The following MYO3B variants were observed in gnomAD, a reference collection of about 807,000 sequenced individuals.
MYO3B encodes the protein myosin-IIIb.
MYO3B carries 156 observed loss-of-function variants against 174.6 expected under a neutral mutation model. The observed-to-expected ratio is 0.89, with a 90% confidence interval of 0.78 to 1.02. The LOEUF is 1.02. Ranked by LOEUF, MYO3B falls within the 50% of genes least tolerant of loss-of-function variation. The pLI, the probability that MYO3B is intolerant of heterozygous loss-of-function variation, is 0.00. For missense variants in MYO3B, 1,632 were observed against 1,639.4 expected (o/e 1.00, Z 0.08); for synonymous variants, 563 against 569.1 (o/e 0.99, Z 0.15).
At chr2:170,652,381 C>T (rs2105510775) in intron 34 of MYO3B, among the ~76,000 whole-genome samples, 1 of 152,298 alleles carries the variant, frequency 6.6e-6, no homozygotes, top group Middle Eastern at 3.4e-3. Context: ...TGTTATTTCT[C>T]ATAATTATTC....
intron 16 of MYO3B, among the ~76,000 whole-genome samples, chr2:170,398,893 T>C (rs2094456700): frequency 1.3e-5 from 2 of 152,172 alleles, no homozygotes; most frequent in Non-Finnish European, 2.9e-5. Context: ...TGATCCGTGT[T>C]TGGTTGAAAA....
chr2:170,258,875 G>C (rs760970350), intron 7 of MYO3B, among the ~76,000 whole-genome samples: 14 of 152,054 alleles, frequency 9.2e-5, no homozygotes, highest in Non-Finnish European at 1.8e-4. Flanking sequence ...AAAGCTTCAG[G>C]ATACAAAATT....
chr2:170,482,041 A>T (rs1246564011), intron 25 of MYO3B, among the ~76,000 whole-genome samples: 1 of 152,088 alleles, frequency 6.6e-6, no homozygotes, highest in Admixed American at 6.6e-5. Context: ...GAGGAATGCA[A>T]TGGGAGGTAA....
At chr2:170,376,016 G>A (rs1018875835) in intron 9 of MYO3B, among the ~76,000 whole-genome samples, 15 of 151,978 alleles carry the variant, frequency 9.9e-5, no homozygotes, top group African/African-American at 3.6e-4. Context: ...AGAGAAGTTG[G>A]GTATATCAAA....
chr2:170,625,825 C>G (rs1022455673), intron 32 of MYO3B, among the ~76,000 whole-genome samples: 5 of 152,338 alleles, frequency 3.3e-5, no homozygotes, highest in Non-Finnish European at 5.9e-5. Context: ...AGTAGTCATT[C>G]AGGAGCAGGT....
chr2:170,275,785 T>C (rs2093460329), intron 7 of MYO3B, among the ~76,000 whole-genome samples: 1 of 152,128 alleles, frequency 6.6e-6, no homozygotes, highest in African/African-American at 2.4e-5. Flanking sequence ...TTACTTGGCA[T>C]TCTGTGAAGG....
chr2:170,295,703 A>G (rs1386797891), intron 7 of MYO3B, among the ~76,000 whole-genome samples: 2 of 152,216 alleles, frequency 1.3e-5, no homozygotes, highest in East Asian at 1.9e-4. Flanking sequence ...GGATCAAAGT[A>G]CAACCTTAAA....
chr2:170,284,144 G>T (rs958679646), intron 7 of MYO3B, among the ~76,000 whole-genome samples: 4 of 152,074 alleles, frequency 2.6e-5, no homozygotes, highest in African/African-American at 9.7e-5. Flanking sequence ...CTTTAAAGCT[G>T]GGGGGAAGAA....
At chr2:170,456,655 G>A (rs1683926219) in intron 23 of MYO3B, among the ~76,000 whole-genome samples, 3 of 152,186 alleles carry the variant, frequency 2.0e-5, no homozygotes, top group South Asian at 4.1e-4. Flanking sequence ...GCCACTGAAC[G>A]CACTTTGCAT....
chr2:170,194,252 C>T (rs953576815), intron 1 of MYO3B, among the ~76,000 whole-genome samples: 4 of 152,136 alleles, frequency 2.6e-5, no homozygotes, highest in Admixed American at 6.5e-5. Context: ...TGCCTGTCAT[C>T]GCATCACTTT....
chr2:170,414,076 A>G (rs1231871993), intron 22 of MYO3B, among the ~76,000 whole-genome samples: 1 of 152,088 alleles, frequency 6.6e-6, no homozygotes, highest in Non-Finnish European at 1.5e-5. Flanking sequence ...TCCTTTCTCC[A>G]TTGAATTGCT....
intron 32 of MYO3B, among the ~76,000 whole-genome samples, chr2:170,560,547 C>T (rs182465600): frequency 3.9e-5 from 6 of 152,094 alleles, no homozygotes; most frequent in African/African-American, 1.4e-4. Flanking sequence ...TAATGATATC[C>T]CTTTTTGTTA....
At chr2:170,627,784 T>C (rs1420704575) in intron 32 of MYO3B, among the ~76,000 whole-genome samples, 1 of 152,266 alleles carries the variant, frequency 6.6e-6, no homozygotes, top group African/African-American at 2.4e-5. Context: ...GACCTTCAGC[T>C]GCAGGTCTGT....
chr2:170,366,363 G>A (rs910726083), intron 8 of MYO3B, among the ~76,000 whole-genome samples: 2 of 151,938 alleles, frequency 1.3e-5, no homozygotes, highest in South Asian at 2.1e-4. Context: ...TGTAGTGGTG[G>A]GATCATAGCT....
At chr2:170,419,047 C>T (rs11884738) in intron 22 of MYO3B, among the ~76,000 whole-genome samples, 11,026 of 152,208 alleles carry the variant, frequency 0.072, 567 homozygotes, top group East Asian at 0.26. Context: ...TACTGTCTCA[C>T]TGGGAATCAG....
At chr2:170,256,369 T>A (rs895933372) in intron 7 of MYO3B, among the ~76,000 whole-genome samples, 1 of 152,124 alleles carries the variant, frequency 6.6e-6, no homozygotes, top group Non-Finnish European at 1.5e-5. Flanking sequence ...AAGAAAAATC[T>A]TAAAGGCAGC....
At chr2:170,236,506 A>G (rs2093072195) in intron 7 of MYO3B, among the ~76,000 whole-genome samples, 1 of 152,152 alleles carries the variant, frequency 6.6e-6, no homozygotes. Context: ...TTCAGTGAAA[A>G]CATATGTATA....
intron 3 of MYO3B, among the ~76,000 whole-genome samples, chr2:170,205,225 G>A (rs1268737246): frequency 2.6e-5 from 4 of 152,076 alleles, no homozygotes; most frequent in Non-Finnish European, 5.9e-5. Flanking sequence ...CCCTTCATAA[G>A]TTCTAGAGTT....
intron 7 of MYO3B, among the ~76,000 whole-genome samples, chr2:170,260,827 A>G (rs1330769509): frequency 6.6e-6 from 1 of 152,172 alleles, no homozygotes; most frequent in Non-Finnish European, 1.5e-5. Context: ...TCTTGACTCT[A>G]GTGGGTAATT....
Sources: gnomAD v4.1 joint callset for allele counts (sites outside exome capture counted in the v4.1 genomes callset) on GRCh38, gnomAD v4.1.1 for gene constraint, MANE v1.5 for transcripts, NCBI Gene and HGNC (gene_info 2026-07-23, HGNC 2026-07-21) for gene names.